The following SFTPD variants were observed in gnomAD, a reference collection of about 807,000 sequenced individuals.
SFTPD encodes pulmonary surfactant-associated protein D.
In SFTPD, 18 loss-of-function variants were observed where a neutral mutation model predicts 34.6. The ratio of observed to expected loss-of-function variants is 0.52; its 90% confidence interval spans 0.36 to 0.77. The LOEUF is 0.77. SFTPD is among the 30% of genes least tolerant of loss of function. SFTPD has a pLI of 0.00. For missense variants in SFTPD, 433 were observed against 468.9 expected (o/e 0.92, Z 0.71); for synonymous variants, 155 against 180.9 (o/e 0.86, Z 1.15).
chr10:79,943,538 C>T (rs529234010), intron 2 of SFTPD, among the ~76,000 whole-genome samples: 1 of 152,122 alleles, frequency 6.6e-6, no homozygotes, highest in Non-Finnish European at 1.5e-5. Context: ...CAAGGAGAAT[C>T]GAGGGAGATT....
At chr10:79,942,914 C>T in intron 2 of SFTPD, 35 bp from the exon 3 acceptor site, 2 of 1,434,192 alleles carry the variant, frequency 1.4e-6, no homozygotes, top group Admixed American at 1.7e-5. Flanking sequence ...AAGACCTGGC[C>T]CTAGACCCAG....
In SFTPD at chr10:79,969,230, C is replaced by T. The variant is rs1842821361; in HGVS notation, c.36+13345G>A. The T allele has an allele frequency of 2.0e-5, 3 of 152,208 alleles. No individual in the cohort carries two copies. In the South Asian group the frequency reaches 6.2e-4, roughly 32 times the overall value. 9.4% of individuals were successfully genotyped at this position (152,208 alleles called of 1,614,324 possible). On this transcript the variant is annotated intron_variant, in intron 1 of 5. Transcript: ENST00000444384. ...GTGGCTCAAGCCTGTAATCCCAGCACTTTGGGAGGCCGAGGCCTGTGGATC... is the reference window on the plus strand; with the variant it reads ...GTGGCTCAAGCCTGTAATCCCAGCATTTTGGGAGGCCGAGGCCTGTGGATC...
intron 1 of SFTPD, chr10:79,968,150 C>G (rs1298910075): frequency 6.6e-6 from 1 of 152,092 alleles, no homozygotes; most frequent in Non-Finnish European, 1.5e-5. Flanking sequence ...TCCATAACCT[C>G]AAATAGTTAT....
At chr10:79,974,929 G>A (rs548767513) in intron 1 of SFTPD, among the ~76,000 whole-genome samples, 1 of 152,260 alleles carries the variant, frequency 6.6e-6, no homozygotes, top group Admixed American at 6.5e-5. Flanking sequence ...ATAGACATTC[G>A]ATTAACTAAA....
upstream of SFTPD, among the ~76,000 whole-genome samples, chr10:79,952,522 G>A (rs1042550284): frequency 6.6e-6 from 1 of 152,166 alleles, no homozygotes; most frequent in African/African-American, 2.4e-5. Context: ...GAGCTCTTAG[G>A]CAGAGGAGAG....
At chr10:79,957,162 G>C (rs893545898) in intron 1 of SFTPD, among the ~76,000 whole-genome samples, 2 of 150,746 alleles carry the variant, frequency 1.3e-5, no homozygotes, top group East Asian at 4.1e-4. Context: ...TGTCACCATC[G>C]TCAAAGACCA....
rs374668675 is a variant in SFTPD at position 79,937,744 on chromosome 10, C to T, written c.*108G>A. 34 of 1,241,056 alleles carry T rather than the reference C, an allele frequency of 2.7e-5. 1 individual carries two copies. Among genetic ancestry groups the T allele is most frequent in the African/African-American group, 1.7e-4 (11 of 66,252 alleles). The allele number at this position is 1,241,056 out of a possible 1,614,324, so 76.9% of individuals were successfully genotyped here. On this transcript the variant is annotated 3_prime_UTR_variant, in exon 8 of 8. Transcript: ENST00000372292. ...CCACATTCTGGAGAGAAGTCCTTCC[C>T]GGCACAGATGGTCACCTTTTTATTA...
chr10:79,975,362 T>A (rs952414331), intron 1 of SFTPD, among the ~76,000 whole-genome samples: 1 of 152,100 alleles, frequency 6.6e-6, no homozygotes, highest in African/African-American at 2.4e-5. Context: ...CTCTCCTTCC[T>A]CCTCCTCATC....
rs74644845 is a variant in SFTPD, at chr10:79,977,362, G to A, written c.36+5213C>T. Among the ~76,000 whole-genome samples the A allele has an allele frequency of 9.6e-3, 1,465 of 152,330 alleles. 29 individuals are homozygous for A. Among genetic ancestry groups the A allele is most frequent in the African/African-American group, 0.034 (1,398 of 41,568 alleles). On this transcript the variant is annotated intron_variant, in intron 1 of 5. Coordinates refer to the SFTPD transcript ENST00000444384. Reference sequence around the variant, plus strand: ...GAGGCCAGAGAGCAACCTACTAGCTGTGAAGAATCCTAGAGTTCCACAGGA... The same window carrying A: ...GAGGCCAGAGAGCAACCTACTAGCTATGAAGAATCCTAGAGTTCCACAGGA...
At chr10:79,958,685 A>G in intron 1 of SFTPD, among the ~76,000 whole-genome samples, 1 of 152,142 alleles carries the variant, frequency 6.6e-6, no homozygotes, top group East Asian at 1.9e-4. Flanking sequence ...ACCCCCACAC[A>G]ATAATAATGG....
At position 79,942,750 on chromosome 10, in the gene SFTPD, C is replaced by A. The variant is rs752623918; in HGVS notation, c.316+13G>T. Reference sequence around the variant, plus strand: ...CACCTGGAAACACCTGAAGTCGACACCCAGTTGCTCACCACTTGGCCCAGT... The same window carrying A: ...CACCTGGAAACACCTGAAGTCGACAACCAGTTGCTCACCACTTGGCCCAGT... On this transcript the variant is annotated intron_variant, in intron 3 of 7. Coordinates refer to ENST00000372292, the MANE Select transcript of SFTPD (RefSeq NM_003019.5). The A allele has an allele frequency of 6.5e-7, 1 of 1,530,712 alleles. No homozygotes were observed. The highest frequency in any genetic ancestry group is 1.4e-5 in the African/African-American group (1 of 73,242). 94.8% of individuals were successfully genotyped at this position (1,530,712 alleles called of 1,614,324 possible). A position where few individuals can be genotyped will look rare whatever the true frequency, so the allele number is the denominator to read the frequency against.
intron 1 of SFTPD, among the ~76,000 whole-genome samples, chr10:79,974,813 C>T (rs182912256): frequency 2.3e-3 from 346 of 152,294 alleles, no homozygotes; most frequent in Middle Eastern, 3.4e-3. Flanking sequence ...AGACCTCTAA[C>T]CCAGCAGTGC....
chr10:79,979,804 A>C lies in SFTPD; in HGVS notation c.36+2771T>G, dbSNP rs376414919. Reference sequence around the variant, plus strand: ...CTTGAGGTGTAGGTGACCCAGTGAGATATCACCTGGAGTGGCCAAGAAAGT... The same window carrying C: ...CTTGAGGTGTAGGTGACCCAGTGAGCTATCACCTGGAGTGGCCAAGAAAGT... On this transcript the variant is annotated intron_variant, in intron 1 of 5. Coordinates refer to the SFTPD transcript ENST00000444384. Among the ~76,000 whole-genome samples the C allele has an allele frequency of 1.1e-4, 17 of 152,266 alleles. No individual in the cohort carries two copies. The East Asian group carries it at 2.5e-3, about 22-fold the overall frequency.
chr10:79,975,326 G>A (rs566496126), intron 1 of SFTPD, among the ~76,000 whole-genome samples: 7 of 152,156 alleles, frequency 4.6e-5, no homozygotes, highest in Non-Finnish European at 2.9e-5. Flanking sequence ...AAACTGCTCT[G>A]TAACCTCTTC....
chr10:79,974,150 A>C (rs1196904512), intron 1 of SFTPD, among the ~76,000 whole-genome samples: 3 of 151,900 alleles, frequency 2.0e-5, no homozygotes, highest in African/African-American at 7.3e-5. Flanking sequence ...TTATACCCCC[A>C]GATATTTTTT....
rs1304001285 is a variant in SFTPD, at chr10:79,941,532, C to A, written c.551-18G>T. ...AGCAGACCCTGGGGTAAAAGAAGAA[C>A]TGGGTGAGCTATGTACTCATTTTAT... On this transcript the variant is annotated intron_variant, in intron 5 of 7. Transcript: ENST00000372292. 6.4e-7 allele frequency: 1 copy of A among 1,562,476 alleles called. No individual in the cohort carries two copies. Among genetic ancestry groups the A allele is most frequent in the African/African-American group, 1.4e-5 (1 of 72,478 alleles).
intron 1 of SFTPD, among the ~76,000 whole-genome samples, chr10:79,962,069 C>T (rs1350732490): frequency 7.0e-6 from 1 of 142,814 alleles, no homozygotes; most frequent in Non-Finnish European, 1.5e-5. Flanking sequence ...ACCACATGTT[C>T]TCACTCATAG....
chr10:79,960,923 G>T (rs1019442174), intron 1 of SFTPD, among the ~76,000 whole-genome samples: 73 of 137,018 alleles, frequency 5.3e-4, no homozygotes, highest in African/African-American at 1.8e-3. Flanking sequence ...AACCAAAACA[G>T]CATGGTACTG....
chr10:79,976,366 C>T (rs1842864310), intron 1 of SFTPD, among the ~76,000 whole-genome samples: 1 of 152,176 alleles, frequency 6.6e-6, no homozygotes, highest in Non-Finnish European at 1.5e-5. Flanking sequence ...ATCCCATCAC[C>T]TGACAGCCTG....
Sources: allele counts gnomAD v4.1 joint callset (sites outside exome capture counted in the v4.1 genomes callset), GRCh38; gene constraint gnomAD v4.1.1; transcripts MANE v1.5; gene names NCBI Gene and HGNC (gene_info 2026-07-23, HGNC 2026-07-21).